Variants in RAB1A observed in about 807,000 individuals in gnomAD.
The protein encoded by RAB1A is RAB1A, member RAS oncogene family.
A neutral mutation model predicts 26.0 loss-of-function variants in RAB1A; 2 were observed. The ratio of observed to expected loss-of-function variants is 0.08; its 90% CI spans 0.03 to 0.24. The LOEUF (loss-of-function observed/expected upper bound fraction) is 0.24. RAB1A is among the 10% of genes least tolerant of loss of function. The pLI is 1.00. For synonymous variants in RAB1A, 84 were observed against 84.9 expected (o/e 0.99, Z 0.06); for missense variants, 100 against 247.0 (o/e 0.40, Z 3.99).
At chr2:65,103,944 A>C (rs7563866) in intron 2 of RAB1A, among the ~76,000 whole-genome samples, 2 of 151,848 alleles carry the variant, frequency 1.3e-5, no homozygotes, top group Non-Finnish European at 2.9e-5. Context: ...ACACCCAGCT[A>C]ATTTTTTGTA....
At chr2:65,104,827 T>C (rs911688561) in intron 1 of RAB1A, 21 bp from the exon 2 acceptor site, 3 of 1,580,318 alleles carry the variant, frequency 1.9e-6, no homozygotes, top group Middle Eastern at 1.7e-4. Flanking sequence ...AAAAAGAAAA[T>C]GATGTTAATA....
chr2:65,114,802 G>A (rs1020268949), intron 1 of RAB1A, among the ~76,000 whole-genome samples: 18 of 150,962 alleles, frequency 1.2e-4, no homozygotes, highest in African/African-American at 1.7e-4. Flanking sequence ...CCGAGATTGC[G>A]CCACTGCAGT....
At position 65,121,896 on chromosome 2, in the gene RAB1A, C is replaced by T. The variant is rs184425565; in HGVS notation, c.23+7997G>A. Among the ~76,000 whole-genome samples, 103 of 152,266 alleles carry T rather than the reference C, an allele frequency of 6.8e-4. 1 individual carries two copies. Among genetic ancestry groups the T allele is most frequent in the Non-Finnish European group, 6.8e-4 (46 of 68,036 alleles). On this transcript the variant is annotated intron_variant, in intron 1 of 5. Transcript: ENST00000409784. ...ATAAGCAGCCAAACGTAGTGGCTCACGCCTGTAATCCTAGCACTTTGGGAG... is the reference window on the plus strand; with the variant it reads ...ATAAGCAGCCAAACGTAGTGGCTCATGCCTGTAATCCTAGCACTTTGGGAG...
chr2:65,088,588 G>T lies in RAB1A; in HGVS notation c.523C>A (p.Arg175=), dbSNP rs1669094404. ...CCAGCTGTTGCTCCGGGACCCATTC[G>T]CTTTTTAATCTCAGCTGCCATCGTC... The part of the protein sequence containing the change: ...FMTMAAEIKK[R]MGPGATAGGA... Residue 175 remains arginine, a synonymous_variant, in exon 6 of 6, where the codon CGA becomes AGA. Transcript: ENST00000409784. 1.9e-6 allele frequency: 3 copies of T among 1,613,596 alleles called. No homozygotes were observed. The highest frequency in any genetic ancestry group is 2.5e-6 in the Non-Finnish European group (3 of 1,179,776).
intron 3 of RAB1A, among the ~76,000 whole-genome samples, chr2:65,096,432 C>T (rs1199302362): frequency 6.6e-6 from 1 of 152,198 alleles, no homozygotes; most frequent in Non-Finnish European, 1.5e-5. Context: ...TATAAGATCC[C>T]TTCCAGCCAC....
At chr2:65,123,085 G>C (rs1558588631) in intron 1 of RAB1A, among the ~76,000 whole-genome samples, 2 of 6,598 alleles carry the variant, frequency 3.0e-4, no homozygotes, top group South Asian at 5.7e-3. Context: ...AAACTACCCA[G>C]AAGAGAAAAC....
intron 3 of RAB1A, among the ~76,000 whole-genome samples, chr2:65,093,240 T>C (rs1669211523): frequency 6.6e-6 from 1 of 152,232 alleles, no homozygotes; most frequent in Admixed American, 6.5e-5. Flanking sequence ...TTACTCCTCA[T>C]AATCAGAGTA....
chr2:65,112,871 G>GT (rs1458297909), intron 1 of RAB1A, among the ~76,000 whole-genome samples: 1 of 152,168 alleles, frequency 6.6e-6, no homozygotes, highest in Non-Finnish European at 1.5e-5. Context: ...ATAAGGTACA[G>GT]TAAGGACGAG....
chr2:65,101,742 CTTTT>C (rs71401771), intron 2 of RAB1A, among the ~76,000 whole-genome samples: 4 of 70,664 alleles, frequency 5.7e-5, no homozygotes, highest in Non-Finnish European at 7.3e-5. Context: ...GTATTACTTC[CTTTT>C]TTTTTTTTTT....
At chr2:65,112,009 G>A (rs1669710184) in intron 1 of RAB1A, among the ~76,000 whole-genome samples, 1 of 151,976 alleles carries the variant, frequency 6.6e-6, no homozygotes, top group Admixed American at 6.6e-5. Context: ...CTTGAACCTG[G>A]GAGGTAGAGG....
chr2:65,109,541 T>TAA (rs528825794), intron 1 of RAB1A, among the ~76,000 whole-genome samples: 3 of 145,376 alleles, frequency 2.1e-5, no homozygotes, highest in African/African-American at 7.5e-5. Flanking sequence ...CCGTCTCTAC[T>TAA]AAAAAAAAAA....
intron 2 of RAB1A, among the ~76,000 whole-genome samples, chr2:65,104,354 C>A (rs572393695): frequency 6.6e-6 from 1 of 152,132 alleles, no homozygotes; most frequent in East Asian, 1.9e-4. Flanking sequence ...TGATCCACTG[C>A]GTCACCTGGC....
At position 65,129,947 on chromosome 2, in the gene RAB1A, CCCTTGCTGCCG is replaced by C; in HGVS notation, c.-43_-33del. ...GCAGCTGCCGCCGCCGCCACCGCCG[CCCTTGCTGCCG>C]CAGCCGCCGCCCTGACTCTCCGCGC... On this transcript the variant is annotated 5_prime_UTR_variant, in exon 1 of 6. Transcript: ENST00000409784. 1 of 1,579,392 alleles carries C rather than the reference CCCTTGCTGCCG, an allele frequency of 6.3e-7. No homozygotes were observed. Among genetic ancestry groups the C allele is most frequent in the African/African-American group, 1.3e-5 (1 of 74,164 alleles).
chr2:65,095,932 T>C (rs955881574), intron 3 of RAB1A, among the ~76,000 whole-genome samples: 2 of 151,934 alleles, frequency 1.3e-5, no homozygotes, highest in African/African-American at 4.8e-5. Flanking sequence ...GTCAGGCAGA[T>C]CACGAGGTCA....
rs373210757 is a variant in RAB1A at position 65,112,809 on chromosome 2, A to G, written c.24-8003T>C. Among the ~76,000 whole-genome samples the G allele has an allele frequency of 3.7e-4, 57 of 152,338 alleles. 6 individuals carry two copies. Among genetic ancestry groups the G allele is most frequent in the East Asian group, 2.9e-3 (15 of 5,186 alleles). On this transcript the variant is annotated intron_variant, in intron 1 of 5. Coordinates refer to ENST00000409784, the MANE Select transcript of RAB1A (RefSeq NM_004161.5). ...TGCTATCAGTTTTTCCTATAAGTCA[A>G]CTTTTGGTCTACTTTCGCAATATTG...
chr2:65,122,442 C>T (rs932273830), intron 1 of RAB1A, among the ~76,000 whole-genome samples: 1 of 150,782 alleles, frequency 6.6e-6, no homozygotes, highest in African/African-American at 2.4e-5. Flanking sequence ...CTTGTATTCT[C>T]AGCTACTCAG....
intron 1 of RAB1A, among the ~76,000 whole-genome samples, chr2:65,120,131 C>T (rs1425616892): frequency 1.3e-5 from 2 of 152,020 alleles, no homozygotes; most frequent in Admixed American, 1.3e-4. Flanking sequence ...ATCTAACCCA[C>T]TTTAAGACTA....
intron 4 of RAB1A, among the ~76,000 whole-genome samples, 166 bp from the exon 5 acceptor site, chr2:65,089,236 A>C (rs1669110796): frequency 6.6e-6 from 1 of 152,002 alleles, no homozygotes; most frequent in Non-Finnish European, 1.5e-5. Flanking sequence ...TTTTTGAGAC[A>C]GGGTCTTGCT....
chr2:65,107,630 T>C (rs1373261676), intron 1 of RAB1A, among the ~76,000 whole-genome samples: 2 of 151,908 alleles, frequency 1.3e-5, no homozygotes, highest in Admixed American at 6.6e-5. Flanking sequence ...TGGGACTTAG[T>C]AGGGAGGTTT....
Sources: gnomAD v4.1 joint callset for allele counts (sites outside exome capture counted in the v4.1 genomes callset) on GRCh38, gnomAD v4.1.1 for gene constraint, MANE v1.5 for transcripts, NCBI Gene and HGNC (gene_info 2026-07-23, HGNC 2026-07-21) for gene names.